The following SV2A variants were observed in gnomAD, a reference collection of about 807,000 sequenced individuals.
The protein encoded by SV2A is solute carrier family 22 member B1.
Under a neutral mutation model 78.0 loss-of-function variants are expected in SV2A, and 25 were observed. That is an observed-to-expected ratio of 0.32 (90% CI 0.23 to 0.45). The LOEUF is 0.45. Ranked by LOEUF, SV2A falls within the 20% of genes least tolerant of loss-of-function variation. The probability of loss-of-function intolerance (pLI) is 1.00; values close to 1 mark genes in which losing one functional copy is unlikely to be tolerated. For missense variants in SV2A, 752 were observed against 971.5 expected (o/e 0.77, Z 3.00); for synonymous variants, 355 against 384.7 (o/e 0.92, Z 0.90).
Position 149,904,903 on chromosome 1 carries a change from G to A in SV2A, c.*111C>T, listed in dbSNP as rs1243897861. 55 of 1,213,540 alleles carry A rather than the reference G, an allele frequency of 4.5e-5. No homozygotes were observed. The highest frequency in any genetic ancestry group is 1.2e-4 in the South Asian group (8 of 65,530). The allele number at this position is 1,213,540 out of a possible 1,614,324, so 75.2% of individuals were successfully genotyped here. ...CACACACAGCTAAGACACCAAACAC[G>A]GGGAGTGGGGAGTGAGGGCTCTGGA... is the stretch of plus-strand genomic sequence containing the variant. On this transcript the variant is annotated 3_prime_UTR_variant, in exon 13 of 13. Coordinates refer to ENST00000369146, the MANE Select transcript of SV2A (RefSeq NM_014849.5).
At chr1:149,906,339 T>C (rs2092438114) in intron 11 of SV2A, among the ~76,000 whole-genome samples, 1 of 152,128 alleles carries the variant, frequency 6.6e-6, no homozygotes, top group Non-Finnish European at 1.5e-5. Flanking sequence ...ATCACCTCCA[T>C]TTTGCAGAGG....
chr1:149,912,015 G>A, intron 2 of SV2A, 35 bp from the exon 3 acceptor site: 2 of 1,595,230 alleles, frequency 1.3e-6, no homozygotes, highest in Non-Finnish European at 8.5e-7. Context: ...GAGGGGGTGT[G>A]AGCAGACACA....
rs781877661 is a variant in SV2A, at chr1:149,910,618, G to C, written c.1041C>G (p.Ala347=). 1.2e-6 allele frequency: 2 copies of C among 1,613,250 alleles called. No individual in the cohort carries two copies. The highest frequency in any genetic ancestry group is 1.7e-6 in the Non-Finnish European group (2 of 1,179,714). ...VLVCAFPSVF[A]IGALTTQPES... is the part of the protein sequence containing the mutation. ...CAGGCTGCGTGGTCAGAGCCCCAAT[G>C]GCAAACACAGAAGGAAAGGCGCAGA... Residue 347 remains alanine, a synonymous_variant, in exon 5 of 13, where the codon GCC becomes GCG. Transcript: ENST00000369146. This position sits in a 1 kb window ranked among gnomAD's most constrained non-coding sequence, Gnocchi z 4.2.
intron 6 of SV2A, 63 bp from the exon 7 acceptor site, chr1:149,909,634 C>T (rs1244541869): frequency 2.0e-6 from 3 of 1,526,530 alleles, no homozygotes; most frequent in Non-Finnish European, 2.7e-6. Context: ...GGCCAGGCGC[C>T]TCAGTTTCCC....
In SV2A at chr1:149,906,093, C is replaced by T. The variant is rs372722637; in HGVS notation, c.1886-54G>A. ...GAGCCTGGCCACAGTGAAACCCACC[C>T]ACAGCCCACCCTGTCCCATCAGCTG... On this transcript the variant is annotated intron_variant, in intron 11 of 12. Transcript: ENST00000369146. 1.9e-5 allele frequency: 31 copies of T among 1,595,712 alleles called. No individual in the cohort carries two copies. The African/African-American group carries it at 3.5e-4, about 18-fold the overall frequency.
rs940709010 is a variant in SV2A at position 149,905,121 on chromosome 1, C to T, written c.2122G>A (p.Val708Met). Residue 708 changes from valine (V) to methionine (M), a missense_variant, in exon 13 of 13, where the codon GTG (valine) becomes ATG (methionine). Physicochemically the swap from Val to Met is conservative, Grantham distance 21 (BLOSUM62 1). Around this residue, in one of 7 missense-constraint regions of SV2A, gnomAD observed 186 missense variants for 274.6 expected, o/e 0.68. Coordinates refer to ENST00000369146, the MANE Select transcript of SV2A (RefSeq NM_014849.5). ...ATGGGTGCAGCCTTGGTGATTCCCACGAAGGATGTGAAGATGCTGATCCCC... is the reference window on the plus strand; with the variant it reads ...ATGGGTGCAGCCTTGGTGATTCCCATGAAGGATGTGAAGATGCTGATCCCC... ...VLGISIFTSF[V>M]GITKAAPILF... is the part of the protein sequence containing the mutation. The T allele has an allele frequency of 5.6e-6, 9 of 1,612,732 alleles. No homozygotes were observed. The highest frequency in any genetic ancestry group is 1.1e-5 in the South Asian group (1 of 90,626).
In SV2A at chr1:149,905,897, G is replaced by A; in HGVS notation, c.2028C>T (p.Leu676=). ...CCAACTACCTCTTGTCTGAGGGGTA[G>A]AGTTCAACAGTCAACACGTCCAGCG... ...WNALDVLTVE[L]YPSDKRTTAF... is the part of the protein sequence containing the mutation. The change falls in exon 12 of 13, where the codon CTC becomes CTT. Residue 676 remains leucine (L), a synonymous_variant. Coordinates refer to ENST00000369146, the MANE Select transcript of SV2A (RefSeq NM_014849.5). 6.2e-7 allele frequency: 1 copy of A among 1,614,120 alleles called. No homozygotes were observed. Among genetic ancestry groups the A allele is most frequent in the Non-Finnish European group, 8.5e-7 (1 of 1,180,020 alleles).
chr1:149,914,282 C>G (rs782333302), intron 1 of SV2A, 95 bp from the exon 2 acceptor site: 9 of 164,440 alleles, frequency 5.5e-5, no homozygotes, highest in Non-Finnish European at 9.4e-5. Flanking sequence ...CCCATCTGGA[C>G]CATGTGGTGC....
intron 1 of SV2A, among the ~76,000 whole-genome samples, chr1:149,915,890 AACACACACACAC>A (rs60828738): frequency 1.3e-5 from 2 of 149,582 alleles, no homozygotes; most frequent in Admixed American, 6.7e-5. Flanking sequence ...CCTTCATTAA[AACACACACACAC>A]ACACACACAC....
intron 10 of SV2A, among the ~76,000 whole-genome samples, chr1:149,907,310 T>TGA (rs2101614552): frequency 1.3e-5 from 2 of 152,280 alleles, no homozygotes; most frequent in East Asian, 3.9e-4. Flanking sequence ...TATACTGAAG[T>TGA]TTGAGAATCA....
Position 149,907,690 on chromosome 1 carries a change from C to T in SV2A, c.1678+10G>A, listed in dbSNP as rs377704015. On this transcript the variant is annotated intron_variant, in intron 10 of 12. Transcript: ENST00000369146. ...CTTTGGTCTGACACCCACCAGCCACCCCGCCTTACCAGTGTTATAGAACAC... is the reference window on the plus strand; with the variant it reads ...CTTTGGTCTGACACCCACCAGCCACTCCGCCTTACCAGTGTTATAGAACAC... 1.4e-4 allele frequency: 221 copies of T among 1,611,412 alleles called. No individual in the cohort carries two copies. Among genetic ancestry groups the T allele is most frequent in the Non-Finnish European group, 1.7e-4 (202 of 1,178,584 alleles).
chr1:149,906,761 C>T lies in SV2A; in HGVS notation c.1774G>A (p.Glu592Lys), dbSNP rs782100472. The T allele has an allele frequency of 9.9e-6, 16 of 1,614,126 alleles. No homozygotes were observed. Among genetic ancestry groups the T allele is most frequent in the African/African-American group, 2.7e-5 (2 of 74,936 alleles). ...GCPLDVTGTG[E>K]GAYMVYFVSF... ...ACAAAGTATACCATGTAGGCACCTTCGCCCGTCCCTGTCACGTCTAGCGGG... is the reference window on the plus strand; with the variant it reads ...ACAAAGTATACCATGTAGGCACCTTTGCCCGTCCCTGTCACGTCTAGCGGG... The change falls in exon 11 of 13, where the codon GAA (glutamate) becomes AAA (lysine). Residue 592 changes from glutamate (E) to lysine (K), a missense_variant. Coordinates refer to ENST00000369146, the MANE Select transcript of SV2A (RefSeq NM_014849.5).
At chr1:149,908,700 C>T (rs939452617) in intron 8 of SV2A, among the ~76,000 whole-genome samples, 4 of 152,222 alleles carry the variant, frequency 2.6e-5, no homozygotes, top group South Asian at 2.1e-4. Context: ...TGCAGTGGCG[C>T]GATCTCGACT....
chr1:149,906,735 CACAAAGTATA>C lies in SV2A; in HGVS notation c.1790_1799del (p.Val597GlyfsTer34). On this transcript the variant is annotated frameshift_variant, in exon 11 of 13. Coordinates refer to ENST00000369146, the MANE Select transcript of SV2A (RefSeq NM_014849.5). LOFTEE classifies it high-confidence loss of function. ...GCACTGCCAGTGTCCCCAGGAAGCT[CACAAAGTATA>C]CCATGTAGGCACCTTCGCCCGTCCC... 6.2e-7 allele frequency: 1 copy of C among 1,614,248 alleles called. No homozygotes were observed.
At chr1:149,906,553 A>C in intron 11 of SV2A, 97 bp downstream of exon 11, 2 of 1,319,742 alleles carry the variant, frequency 1.5e-6, no homozygotes, top group Non-Finnish European at 2.1e-6. Flanking sequence ...GAACTCTCTG[A>C]CCAATCTCTT....
rs782286580 is a variant in SV2A at position 149,909,470 on chromosome 1, T to C, written c.1281A>G (p.Leu427=). Residue 427 remains leucine, a synonymous_variant, in exon 7 of 13, where the codon CTA becomes CTG. Coordinates refer to ENST00000369146, the MANE Select transcript of SV2A (RefSeq NM_014849.5). ...CCCCGTCCACCATTACCTGCCCCCC[T>C]AGGCTCAAGGCCCGGACCCCCCAGC... ...YQRWGVRALS[L]GGQVWGNFLS... The C allele has an allele frequency of 6.2e-7, 1 of 1,612,418 alleles. No homozygotes were observed. Among genetic ancestry groups the C allele is most frequent in the Admixed American group, 1.7e-5 (1 of 59,954 alleles).
At chr1:149,914,720 C>T (rs1482487280) in intron 1 of SV2A, among the ~76,000 whole-genome samples, 5 of 152,164 alleles carry the variant, frequency 3.3e-5, no homozygotes, top group African/African-American at 1.2e-4. Context: ...AAATGCTCAG[C>T]TTCCAGAGTC....
At chr1:149,915,349 T>C (rs1428716388) in intron 1 of SV2A, among the ~76,000 whole-genome samples, 1 of 152,166 alleles carries the variant, frequency 6.6e-6, no homozygotes, top group Non-Finnish European at 1.5e-5. Flanking sequence ...CACCCCTATC[T>C]ATGTTTCAAC....
Position 149,908,215 on chromosome 1 carries a change from T to A in SV2A, c.1380-9A>T, listed in dbSNP as rs782508603. ...CGGTCAGGCCATAGTAGCTGAAGAG[T>A]CAAGGACAATGGAAACAGACAACAG... is the stretch of plus-strand genomic sequence containing the variant. On this transcript the variant is annotated splice_polypyrimidine_tract_variant and intron_variant, in intron 8 of 12. Coordinates refer to ENST00000369146, the MANE Select transcript of SV2A (RefSeq NM_014849.5). The A allele has an allele frequency of 6.2e-7, 1 of 1,607,928 alleles. No individual in the cohort carries two copies. The highest frequency in any genetic ancestry group is 8.5e-7 in the Non-Finnish European group (1 of 1,175,702).
Sources: gnomAD v4.1 joint callset for allele counts (sites outside exome capture counted in the v4.1 genomes callset) on GRCh38, gnomAD v4.1.1 for gene constraint, gnomAD v4.1.1 regional missense constraint, Gnocchi (gnomAD v3.1) non-coding constraint, MANE v1.5 for transcripts, NCBI Gene and HGNC (gene_info 2026-07-23, HGNC 2026-07-21) for gene names.